Variants in TRIM49B observed in about 807,000 individuals in gnomAD.
TRIM49B encodes the protein tripartite motif containing 49B, also known as putative tripartite motif-containing protein 49B.
TRIM49B carries 18 observed loss-of-function variants against 31.8 expected under a neutral mutation model. The observed-to-expected ratio is 0.57, with a 90% confidence interval of 0.39 to 0.84. The LOEUF is 0.84. Among genes scored for constraint, TRIM49B ranks in the 40% least tolerant of loss-of-function variants. The pLI is 0.00. For synonymous variants in TRIM49B, 196 were observed against 180.6 expected, an observed-to-expected ratio of 1.09 and a Z score of -0.68; for missense variants, 494 against 538.7, an observed-to-expected ratio of 0.92 and a Z score of 0.82.
chr11:49,032,245 A>C (rs1328311625), intron 2 of TRIM49B, 31 bp from the exon 3 acceptor site: 16 of 1,612,588 alleles, frequency 9.9e-6, no homozygotes, highest in African/African-American at 1.3e-5. Context: ...CATGGTCTGC[A>C]CTGGTGCTTC....
intron 3 of TRIM49B, 80 bp from the exon 4 acceptor site, chr11:49,034,066 G>A (rs1240782124): frequency 1.9e-5 from 30 of 1,606,954 alleles, no homozygotes; most frequent in East Asian, 6.7e-5. Context: ...TTGGACATTC[G>A]AGAGACAAAA....
At chr11:49,036,697 G>A (rs138553236) in intron 6 of TRIM49B, among the ~76,000 whole-genome samples, 1,980 of 152,194 alleles carry the variant, frequency 0.013, 44 homozygotes, top group African/African-American at 0.045. Flanking sequence ...GCTCAGAATG[G>A]TGAATTATTT....
chr11:49,032,078 G>C, intron 2 of TRIM49B, 68 bp downstream of exon 2: 2 of 1,610,346 alleles, frequency 1.2e-6, no homozygotes, highest in Non-Finnish European at 1.7e-6. Flanking sequence ...CTATTTTCTT[G>C]GAGATTGGAT....
rs752836278 is a variant in TRIM49B at position 49,037,659 on chromosome 11, A to G, written c.1041A>G (p.Val347=). The G allele has an allele frequency of 1.2e-5, 20 of 1,613,808 alleles. No individual in the cohort carries two copies. The African/African-American group carries it at 2.1e-4, about 17-fold the overall frequency. The change falls in exon 7 of 7, where the codon GTA becomes GTG. Residue 347 remains valine (V), a synonymous_variant. Coordinates refer to ENST00000332682, the MANE Select transcript of TRIM49B (RefSeq NM_001206626.2). ...GCAAATATTACTGGGAGGTCCATGT[A>G]GGGGACTCCTGGAATTGGGCTTTTG... ...TSGKYYWEVH[V]GDSWNWAFGV... is the part of the protein sequence containing the mutation.
At chr11:49,032,476 TAAAAA>T (rs71454041) in intron 3 of TRIM49B, 105 bp downstream of exon 3, 2 of 1,387,508 alleles carry the variant, frequency 1.4e-6, no homozygotes, top group Non-Finnish European at 1.9e-6. Context: ...TGGGATTCAG[TAAAAA>T]AAAAAGAAAA....
At chr11:49,031,496 C>G in intron 1 of TRIM49B, 100 bp from the exon 2 acceptor site, 20 of 1,534,106 alleles carry the variant, frequency 1.3e-5, no homozygotes, top group Non-Finnish European at 1.7e-5. Context: ...TTAATGAACA[C>G]TGTCAAGAGA....
At position 49,034,091 on chromosome 11, in the gene TRIM49B, T is replaced by A. The variant is rs1854488297; in HGVS notation, c.508-55T>A. 10 of 1,610,024 alleles carry A rather than the reference T, an allele frequency of 6.2e-6. No homozygotes were observed. In the South Asian group the frequency reaches 1.1e-4, roughly 18 times the overall value. ...GAGAGACAAAAGGAATCAGTGAGATTTAATAGGAGATGGATATATACATTT... is the reference window on the plus strand; with the variant it reads ...GAGAGACAAAAGGAATCAGTGAGATATAATAGGAGATGGATATATACATTT... On this transcript the variant is annotated intron_variant, in intron 3 of 6. Coordinates refer to ENST00000332682, the MANE Select transcript of TRIM49B (RefSeq NM_001206626.2).
At position 49,028,861 on chromosome 11, in the gene TRIM49B, A is replaced by G. The variant is rs1854414228; in HGVS notation, c.-119A>G. 1.3e-5 allele frequency: 2 copies of G among 159,324 alleles called. No individual in the cohort carries two copies. The highest frequency in any genetic ancestry group is 4.1e-4 in the South Asian group (2 of 4,834). 9.9% of individuals were successfully genotyped at this position (159,324 alleles called of 1,614,324 possible). A position where few individuals can be genotyped will look rare whatever the true frequency, so the allele number is the denominator to read the frequency against. On this transcript the variant is annotated 5_prime_UTR_variant, in exon 1 of 7. Coordinates refer to ENST00000332682, the MANE Select transcript of TRIM49B (RefSeq NM_001206626.2). ...GGAGAAGGACTGCACTTAGAACTGC[A>G]TTTTGGTGACCTCTGAAATTCAGTA...
Position 49,034,524 on chromosome 11 carries a change from T to A in TRIM49B, c.738+148T>A. ...AACTAATGCTACTTTGTTGGGAGAG[T>A]ATAGCCCCACTAAGGGATTCTACCA... On this transcript the variant is annotated intron_variant, in intron 4 of 6. Transcript: ENST00000332682. 9.0e-6 allele frequency: 14 copies of A among 1,554,412 alleles called. No homozygotes were observed. The South Asian group carries it at 1.7e-4, about 19-fold the overall frequency.
intron 1 of TRIM49B, among the ~76,000 whole-genome samples, chr11:49,029,680 A>T (rs191844569): frequency 6.6e-6 from 1 of 152,356 alleles, no homozygotes; most frequent in East Asian, 1.9e-4. Context: ...AAAGGACTTA[A>T]AATTGCCAAA....
Position 49,031,830 on chromosome 11 carries a change from T to A in TRIM49B, c.231T>A (p.Ala77=), listed in dbSNP as rs61743473. ...NIHFKKMASL[A]RKVSLWLFLS... is the part of the protein sequence containing the mutation. Reference sequence around the variant, plus strand: ...ATTTCAAGAAGATGGCTTCTCTTGCTAGAAAAGTCAGTCTCTGGCTATTCC... The same window carrying A: ...ATTTCAAGAAGATGGCTTCTCTTGCAAGAAAAGTCAGTCTCTGGCTATTCC... Residue 77 remains alanine (A), a synonymous_variant, in exon 2 of 7, where the codon GCT becomes GCA. Coordinates refer to ENST00000332682, the MANE Select transcript of TRIM49B (RefSeq NM_001206626.2). The A allele has an allele frequency of 5.6e-6, 9 of 1,613,978 alleles. No individual in the cohort carries two copies. The East Asian group carries it at 2.0e-4, about 36-fold the overall frequency.
Position 49,034,297 on chromosome 11 carries a change from C to G in TRIM49B, c.659C>G (p.Ala220Gly). The G allele has an allele frequency of 1.2e-6, 2 of 1,611,908 alleles. No homozygotes were observed. Among genetic ancestry groups the G allele is most frequent in the Non-Finnish European group, 1.7e-6 (2 of 1,179,820 alleles). The change falls in exon 4 of 7, where the codon GCT becomes GGT. Residue 220 changes from alanine to glycine, a missense_variant. Physicochemically the swap from Ala to Gly is moderately conservative, Grantham distance 60. Transcript: ENST00000332682. ...HRLHLSKAKMAHRREILRGMY... is the reference protein window; with the variant it reads ...HRLHLSKAKMGHRREILRGMY... Reference sequence around the variant, plus strand: ...CTTCATTTAAGTAAAGCCAAAATGGCTCATAGGAGGGAGATTTTAAGAGGA... The same window carrying G: ...CTTCATTTAAGTAAAGCCAAAATGGGTCATAGGAGGGAGATTTTAAGAGGA...
At chr11:49,036,018 T>G (rs1375824125) in intron 5 of TRIM49B, among the ~76,000 whole-genome samples, 1 of 151,448 alleles carries the variant, frequency 6.6e-6, no homozygotes, top group Admixed American at 6.6e-5. Context: ...GAAGTGGAAC[T>G]CAGAATTTCG....
In TRIM49B at chr11:49,037,779, T is replaced by A; in HGVS notation, c.1161T>A (p.Ile387=). ...TTCTTGGGTGTGTTAAGAATGACAT[T>A]CAACGCAGTCTCTTTACCACCTCCC... is the stretch of plus-strand genomic sequence containing the variant. The part of the protein sequence containing the change: ...LFLLGCVKND[I]QRSLFTTSPL... The change falls in exon 7 of 7, where the codon ATT becomes ATA. Residue 387 remains isoleucine (I), a synonymous_variant. Transcript: ENST00000332682. 7 of 1,613,960 alleles carry A rather than the reference T, an allele frequency of 4.3e-6. No individual in the cohort carries two copies. Among genetic ancestry groups the A allele is most frequent in the Non-Finnish European group, 5.9e-6 (7 of 1,179,860 alleles).
In TRIM49B at chr11:49,031,851, A is replaced by C. The variant is rs753246710; in HGVS notation, c.252A>C (p.Leu84=). The change falls in exon 2 of 7, where the codon CTA becomes CTC. Residue 84 remains leucine, a synonymous_variant. Transcript: ENST00000332682. Reference sequence around the variant, plus strand: ...TTGCTAGAAAAGTCAGTCTCTGGCTATTCCTGAGCTCTGAGGAGCAAATGT... The same window carrying C: ...TTGCTAGAAAAGTCAGTCTCTGGCTCTTCCTGAGCTCTGAGGAGCAAATGT... The part of the protein sequence containing the change: ...ASLARKVSLW[L]FLSSEEQMCG... 15 of 1,613,788 alleles carry C rather than the reference A, an allele frequency of 9.3e-6. 1 individual carries two copies. In the Admixed American group the frequency reaches 2.5e-4, roughly 27 times the overall value.
intron 2 of TRIM49B, 32 bp downstream of exon 2, chr11:49,032,042 A>C: frequency 6.2e-7 from 1 of 1,611,812 alleles, no homozygotes; most frequent in Non-Finnish European, 8.5e-7. Flanking sequence ...CGATTTCTGT[A>C]AAGGATACAT....
Position 49,031,963 on chromosome 11 carries a change from C to A in TRIM49B, c.364C>A (p.Arg122=), listed in dbSNP as rs185106141. Residue 122 remains arginine (R), a synonymous_variant, in exon 2 of 7, where the codon CGG becomes AGG. Transcript: ENST00000332682. ...GCTGTGCTCCAGCTCTCAGGAGCAC[C>A]GGGATCACAGACACTGTCCCATTGA... The part of the protein sequence containing the change: ...CLLCSSSQEH[R]DHRHCPIESA... 6.2e-7 allele frequency: 1 copy of A among 1,611,962 alleles called. No homozygotes were observed. Among genetic ancestry groups the A allele is most frequent in the Admixed American group, 1.7e-5 (1 of 60,010 alleles).
rs570561530 is a variant in TRIM49B at position 49,031,809 on chromosome 11, C to G, written c.210C>G (p.Phe70Leu). ...TAAACCTCAAAACCAACATTCATTT[C>G]AAGAAGATGGCTTCTCTTGCTAGAA... ...GQINLKTNIH[F>L]KKMASLARKV... is the part of the protein sequence containing the mutation. Residue 70 changes from phenylalanine (F) to leucine (L), a missense_variant, in exon 2 of 7, where the codon TTC becomes TTG. Physicochemically the swap from Phe to Leu is conservative, Grantham distance 22. This residue lies in a region of TRIM49B where 251 missense variants were observed against 232.8 expected (regional missense o/e 1.08). Coordinates refer to ENST00000332682, the MANE Select transcript of TRIM49B (RefSeq NM_001206626.2). 1.2e-4 allele frequency: 200 copies of G among 1,614,002 alleles called. No individual in the cohort carries two copies. The African/African-American group carries it at 2.5e-3, about 20-fold the overall frequency.
chr11:49,037,399 G>C, intron 6 of TRIM49B, 79 bp from the exon 7 acceptor site: 1 of 1,484,280 alleles, frequency 6.7e-7, no homozygotes, highest in Non-Finnish European at 8.9e-7. Flanking sequence ...CTTTACATTT[G>C]CTGGTAAAGT....
Sources: gnomAD v4.1 joint callset for allele counts (sites outside exome capture counted in the v4.1 genomes callset) on GRCh38, gnomAD v4.1.1 for gene constraint, gnomAD v4.1.1 regional missense constraint, MANE v1.5 for transcripts, NCBI Gene and HGNC (gene_info 2026-07-23, HGNC 2026-07-21) for gene names.